AP1S1: variants seen among roughly 807,000 people sequenced by gnomAD.
AP1S1 encodes the protein AP-1 complex subunit sigma-1A.
A neutral mutation model predicts 23.9 loss-of-function variants in AP1S1; 13 were observed. That is an observed-to-expected ratio of 0.54 (90% CI 0.35 to 0.86). AP1S1 has a LOEUF of 0.86. Ranked by LOEUF, AP1S1 falls within the 40% of genes least tolerant of loss-of-function variation. AP1S1 has a pLI of 0.01. For synonymous variants in AP1S1, 84 were observed against 77.7 expected (o/e 1.08, Z -0.43); for missense variants, 119 against 197.6 (o/e 0.60, Z 2.38).
rs978582847 is a variant in AP1S1 at position 101,161,087 on chromosome 7, T to C, written c.*521T>C. On this transcript the variant is annotated 3_prime_UTR_variant, in exon 5 of 5. Transcript: ENST00000337619. Reference sequence around the variant, plus strand: ...CAGGGAGGAACAACATAGTTAATTTTTTTCTAACCTTGCCACTTTGAGGGA... The same window carrying C: ...CAGGGAGGAACAACATAGTTAATTTCTTTCTAACCTTGCCACTTTGAGGGA... 1 of 296,702 alleles carries C rather than the reference T, an allele frequency of 3.4e-6. No homozygotes were observed. The highest frequency in any genetic ancestry group is 6.5e-6 in the Non-Finnish European group (1 of 152,792). 18.4% of individuals were successfully genotyped at this position (296,702 alleles called of 1,614,324 possible). A position where few individuals can be genotyped will look rare whatever the true frequency, so the allele number is the denominator to read the frequency against.
At position 101,158,859 on chromosome 7, in the gene AP1S1, T is replaced by C. The variant is rs2074682; in HGVS notation, c.292-200T>C. ...TTGAGGCTGCAGTGAGCTGTGATCA[T>C]GCCACTGCACTGCAGCCTGGACGAC... is the stretch of plus-strand genomic sequence containing the variant. On this transcript the variant is annotated intron_variant, in intron 3 of 4. Transcript: ENST00000337619. Among the ~76,000 whole-genome samples the C allele has an allele frequency of 0.23, 34,336 of 152,150 alleles. 4,533 individuals carry two copies. The highest frequency in any genetic ancestry group is 0.38 in the East Asian group (1,975 of 5,164).
chr7:101,159,888 G>T (rs1797060361), intron 4 of AP1S1, among the ~76,000 whole-genome samples: 1 of 151,628 alleles, frequency 6.6e-6, no homozygotes, highest in Non-Finnish European at 1.5e-5. Flanking sequence ...GGCGAGGGAG[G>T]GCTCATCTTT....
intron 3 of AP1S1, among the ~76,000 whole-genome samples, chr7:101,157,965 T>C (rs1797021042): frequency 6.6e-6 from 1 of 152,150 alleles, no homozygotes; most frequent in Non-Finnish European, 1.5e-5. Flanking sequence ...TTTGTATTTT[T>C]TTTTTTAAGA....
chr7:101,154,535 G>A lies in AP1S1; in HGVS notation c.3+18G>A. The A allele has an allele frequency of 1.3e-6, 2 of 1,566,308 alleles. No individual in the cohort carries two copies. Among genetic ancestry groups the A allele is most frequent in the African/African-American group, 2.7e-5 (2 of 73,960 alleles). Reference sequence around the variant, plus strand: ...GCAGGATGGTAGGCTGTGCGAAGAGGGAGGGGAGGGGGAAGCGAGGGGCGT... The same window carrying A: ...GCAGGATGGTAGGCTGTGCGAAGAGAGAGGGGAGGGGGAAGCGAGGGGCGT... On this transcript the variant is annotated intron_variant, in intron 1 of 4. Transcript: ENST00000337619.
chr7:101,154,767 G>A (rs1408792363), intron 1 of AP1S1: 4 of 738,968 alleles, frequency 5.4e-6, no homozygotes, highest in Middle Eastern at 4.0e-4. Context: ...GGGCCGTCCC[G>A]AGCCGGGAGG....
At chr7:101,156,341 G>T in intron 1 of AP1S1, 1 of 434,420 alleles carries the variant, frequency 2.3e-6, no homozygotes, top group Non-Finnish European at 4.2e-6. Flanking sequence ...CAGGTACAAT[G>T]TCCATTTTAC....
intron 1 of AP1S1, chr7:101,154,876 G>T: frequency 1.1e-6 from 1 of 945,288 alleles, no homozygotes; most frequent in Non-Finnish European, 1.4e-6. Context: ...GGGAGGGAGC[G>T]GGGGTCACCA....
Position 101,159,200 on chromosome 7 carries a change from C to A in AP1S1, c.429+4C>A. 1 of 1,608,170 alleles carries A rather than the reference C, an allele frequency of 6.2e-7. No individual in the cohort carries two copies. Among genetic ancestry groups the A allele is most frequent in the Non-Finnish European group, 8.5e-7 (1 of 1,177,432 alleles). On this transcript the variant is annotated splice_donor_region_variant and intron_variant, in intron 4 of 4. Transcript: ENST00000337619. ...GCAGGCTGACCTACTGCAAGAGGTA[C>A]GGGCCAGGGACAGTGAGGAGGAGGA...
Position 101,160,822 on chromosome 7 carries a change from G to A in AP1S1, c.*256G>A. 1 of 673,686 alleles carries A rather than the reference G, an allele frequency of 1.5e-6. No individual in the cohort carries two copies. The highest frequency in any genetic ancestry group is 2.7e-6 in the Non-Finnish European group (1 of 367,696). 41.7% of individuals were successfully genotyped at this position (673,686 alleles called of 1,614,324 possible). Reference sequence around the variant, plus strand: ...TGTGACCCAGATGGGGGTGCTATTTGGCTTTTATTCCCTGCCTTTGCAGAA... The same window carrying A: ...TGTGACCCAGATGGGGGTGCTATTTAGCTTTTATTCCCTGCCTTTGCAGAA... On this transcript the variant is annotated 3_prime_UTR_variant, in exon 5 of 5. Transcript: ENST00000337619.
intron 3 of AP1S1, among the ~76,000 whole-genome samples, chr7:101,158,718 A>T (rs1226868921): frequency 6.6e-6 from 1 of 152,128 alleles, no homozygotes; most frequent in Admixed American, 6.5e-5. Flanking sequence ...CCTGGCCAAC[A>T]TGGCAAGACC....
chr7:101,158,640 G>T (rs1195228244), intron 3 of AP1S1, among the ~76,000 whole-genome samples: 1 of 152,248 alleles, frequency 6.6e-6, no homozygotes, highest in Non-Finnish European at 1.5e-5. Context: ...GGTGGCTCAC[G>T]CCTGTGATCC....
rs541967160 is a variant in AP1S1, at chr7:101,160,638, G to T, written c.*72G>T. The T allele has an allele frequency of 6.4e-7, 1 of 1,561,248 alleles. No individual in the cohort carries two copies. ...GGAACGGCTGCTTCTCCTCTGCCCA[G>T]GGCCCTGTTCTTGGTGGGACTCGGC... On this transcript the variant is annotated 3_prime_UTR_variant, in exon 5 of 5. Coordinates refer to ENST00000337619, the MANE Select transcript of AP1S1 (RefSeq NM_001283.5).
At chr7:101,157,824 C>T (rs767603970) in intron 3 of AP1S1, among the ~76,000 whole-genome samples, 17 of 152,072 alleles carry the variant, frequency 1.1e-4, no homozygotes, top group African/African-American at 3.9e-4. Flanking sequence ...GGAGGAATGC[C>T]GCCTATGGCT....
At chr7:101,154,987 C>G in intron 1 of AP1S1, 1 of 1,009,612 alleles carries the variant, frequency 9.9e-7, no homozygotes, top group Non-Finnish European at 1.2e-6. Context: ...AGGGAGCGCC[C>G]TACTGCGTTC....
chr7:101,156,667 A>G lies in AP1S1; in HGVS notation c.77A>G (p.Lys26Arg). ...LQKWYLATSDKERKKMVRELM... is the reference protein window; with the variant it reads ...LQKWYLATSDRERKKMVRELM... Reference sequence around the variant, plus strand: ...AAATGGTACCTGGCCACTTCGGACAAGGAACGGAAGAAGATGGTGCGCGAG... The same window carrying G: ...AAATGGTACCTGGCCACTTCGGACAGGGAACGGAAGAAGATGGTGCGCGAG... The change falls in exon 2 of 5, where the codon AAG becomes AGG. Residue 26 changes from lysine to arginine, a missense_variant. Coordinates refer to ENST00000337619, the MANE Select transcript of AP1S1 (RefSeq NM_001283.5). 1 of 1,611,986 alleles carries G rather than the reference A, an allele frequency of 6.2e-7. No homozygotes were observed. The highest frequency in any genetic ancestry group is 1.3e-5 in the African/African-American group (1 of 75,014).
intron 4 of AP1S1, among the ~76,000 whole-genome samples, chr7:101,160,031 G>A (rs746282293): frequency 1.2e-3 from 77 of 66,268 alleles, no homozygotes; most frequent in Non-Finnish European, 2.8e-3. Context: ...CACACCCATC[G>A]TGTCACCAGT....
rs1796994650 is a variant in AP1S1, at chr7:101,156,595, T to A, written c.5T>A (p.Met2Lys). The change falls in exon 2 of 5, where the codon ATG becomes AAG. Residue 2 changes from methionine to lysine, a missense_variant and splice_region_variant. Coordinates refer to ENST00000337619, the MANE Select transcript of AP1S1 (RefSeq NM_001283.5). ...GTTCTGCCCTCCCATCCCCCACAGA[T>A]GCGGTTCATGCTATTATTCAGCCGG... M[M>K]RFMLLFSRQG... The A allele has an allele frequency of 6.2e-7, 1 of 1,610,886 alleles. No homozygotes were observed. The highest frequency in any genetic ancestry group is 8.5e-7 in the Non-Finnish European group (1 of 1,178,600).
rs557370134 is a variant in AP1S1, at chr7:101,155,117, T to C, written c.3+600T>C. 2.1e-4 allele frequency: 174 copies of C among 824,778 alleles called. 1 individual carries two copies. The African/African-American group carries it at 3.2e-3, about 15-fold the overall frequency. The allele number at this position is 824,778 out of a possible 1,614,324, so 51.1% of individuals were successfully genotyped here. A position where few individuals can be genotyped will look rare whatever the true frequency, so the allele number is the denominator to read the frequency against. ...CCGGGGCTCTCTGCCCCCCTTCCCA[T>C]TCTCTTTCCGGAATCCAGGCCTTCC... On this transcript the variant is annotated intron_variant, in intron 1 of 4. Transcript: ENST00000337619.
Position 101,160,583 on chromosome 7 carries a change from G to A in AP1S1, c.*17G>A, listed in dbSNP as rs780306545. ...TTGGCATAGCCCCTGCTGGGCCGGGGTGTGGCGATGGGGTCCTGGCAGCGT... is the reference window on the plus strand; with the variant it reads ...TTGGCATAGCCCCTGCTGGGCCGGGATGTGGCGATGGGGTCCTGGCAGCGT... On this transcript the variant is annotated 3_prime_UTR_variant, in exon 5 of 5. Coordinates refer to ENST00000337619, the MANE Select transcript of AP1S1 (RefSeq NM_001283.5). 25 of 1,610,084 alleles carry A rather than the reference G, an allele frequency of 1.6e-5. No homozygotes were observed. Among genetic ancestry groups the A allele is most frequent in the Admixed American group, 8.3e-5 (5 of 59,990 alleles).
Sources: allele counts gnomAD v4.1 joint callset (sites outside exome capture counted in the v4.1 genomes callset), GRCh38; gene constraint gnomAD v4.1.1; transcripts MANE v1.5; gene names NCBI Gene and HGNC (gene_info 2026-07-23, HGNC 2026-07-21).